Variants in NLGN1 observed in about 807,000 individuals in gnomAD.
The protein encoded by NLGN1 is neuroligin-1.
Under a neutral mutation model 65.5 loss-of-function variants are expected in NLGN1, and 12 were observed. That is an observed-to-expected ratio of 0.18 (90% CI 0.12 to 0.30). NLGN1 has a LOEUF of 0.30. Among genes scored for constraint, NLGN1 ranks in the 10% least tolerant of loss-of-function variants. NLGN1 has a pLI of 1.00. For missense variants in NLGN1, 750 were observed against 1,007.1 expected, an observed-to-expected ratio of 0.74 and a Z score of 3.46; for synonymous variants, 350 against 359.5, an observed-to-expected ratio of 0.97 and a Z score of 0.30.
At chr3:173,690,814 GT>G (rs1278486919) in intron 3 of NLGN1, among the ~76,000 whole-genome samples, 4 of 152,172 alleles carry the variant, frequency 2.6e-5, no homozygotes, top group Admixed American at 2.6e-4. Flanking sequence ...ACTAATTATA[GT>G]TTGTATGGAG....
chr3:173,752,625 C>A (rs905791716), intron 3 of NLGN1, among the ~76,000 whole-genome samples: 1 of 152,060 alleles, frequency 6.6e-6, no homozygotes, highest in Non-Finnish European at 1.5e-5. Context: ...AATTCCCTTA[C>A]TCCTCTCTCT....
In NLGN1 at chr3:174,264,388, A is replaced by T. The variant is rs1215951354; in HGVS notation, c.647-10927A>T. Reference sequence around the variant, plus strand: ...TTGGAGGCTTTGCTCATTTCTTTTTATTCTTTTTTCTCTAAACTTCCCTTC... The same window carrying T: ...TTGGAGGCTTTGCTCATTTCTTTTTTTTCTTTTTTCTCTAAACTTCCCTTC... On this transcript the variant is annotated intron_variant, in intron 4 of 6. Coordinates refer to ENST00000457714, the Ensembl canonical transcript of NLGN1. Among the ~76,000 whole-genome samples the T allele has an allele frequency of 5.0e-3, 713 of 142,994 alleles. 13 individuals carry two copies. Among genetic ancestry groups the T allele is most frequent in the African/African-American group, 0.017 (674 of 38,736 alleles). 93.8% of individuals were successfully genotyped at this position (142,994 alleles called of 152,430 possible).
intron 3 of NLGN1, among the ~76,000 whole-genome samples, chr3:173,728,073 T>A (rs893880724): frequency 2.6e-5 from 4 of 152,094 alleles, no homozygotes; most frequent in Non-Finnish European, 4.4e-5. Context: ...CTCTCAGCAG[T>A]TTGCCCTATG....
At chr3:173,758,878 C>T (rs1303516659) in intron 3 of NLGN1, among the ~76,000 whole-genome samples, 5 of 151,930 alleles carry the variant, frequency 3.3e-5, no homozygotes, top group Non-Finnish European at 5.9e-5. Context: ...ATCAGTGTGG[C>T]TAAAGGATTG....
chr3:173,981,502 A>T (rs779309082), intron 4 of NLGN1, among the ~76,000 whole-genome samples: 1 of 152,126 alleles, frequency 6.6e-6, no homozygotes, highest in Admixed American at 6.6e-5. Context: ...CGTAACTCCA[A>T]CTATTTCTAT....
intron 2 of NLGN1, among the ~76,000 whole-genome samples, chr3:173,472,515 C>T (rs1282494574): frequency 1.3e-5 from 2 of 151,684 alleles, no homozygotes; most frequent in Non-Finnish European, 2.9e-5. Context: ...AGAATAGTTT[C>T]ACTTATCAAA....
chr3:173,454,383 G>A (rs1722158274), intron 2 of NLGN1, among the ~76,000 whole-genome samples: 2 of 152,162 alleles, frequency 1.3e-5, no homozygotes, highest in Admixed American at 1.3e-4. Context: ...CTACAAGCCA[G>A]GCATTGACTT....
At chr3:173,988,611 C>T (rs186359617) in intron 4 of NLGN1, among the ~76,000 whole-genome samples, 3 of 152,200 alleles carry the variant, frequency 2.0e-5, no homozygotes, top group Admixed American at 2.0e-4. Context: ...ACTGTTTGTC[C>T]CAAGAATTAT....
intron 4 of NLGN1, among the ~76,000 whole-genome samples, chr3:173,967,298 C>A (rs1458934583): frequency 6.6e-6 from 1 of 152,178 alleles, no homozygotes; most frequent in African/African-American, 2.4e-5. Flanking sequence ...GCACAGCAAT[C>A]GGAATTTGTG....
intron 4 of NLGN1, among the ~76,000 whole-genome samples, chr3:174,171,579 A>G (rs1261431420): frequency 6.6e-6 from 1 of 152,202 alleles, no homozygotes; most frequent in Admixed American, 6.6e-5. Context: ...AAAATTAAAT[A>G]TTAAAGTCTT....
At chr3:174,259,668 T>G (rs918533090) in intron 4 of NLGN1, among the ~76,000 whole-genome samples, 2 of 139,840 alleles carry the variant, frequency 1.4e-5, no homozygotes, top group Non-Finnish European at 3.0e-5. Flanking sequence ...ACATGTTTCT[T>G]ACCCTTAGTA....
At chr3:173,785,213 G>A (rs1433723512) in intron 3 of NLGN1, among the ~76,000 whole-genome samples, 4 of 152,134 alleles carry the variant, frequency 2.6e-5, no homozygotes, top group Non-Finnish European at 5.9e-5. Context: ...GCCACAGATG[G>A]CGCCATCACC....
At chr3:174,229,679 A>G (rs948333833) in intron 4 of NLGN1, among the ~76,000 whole-genome samples, 33 of 152,206 alleles carry the variant, frequency 2.2e-4, no homozygotes, top group African/African-American at 8.0e-4. Flanking sequence ...ACATGATTAG[A>G]ATTTTAGTGA....
At chr3:174,033,135 G>T (rs1229489507) in intron 4 of NLGN1, among the ~76,000 whole-genome samples, 1 of 151,788 alleles carries the variant, frequency 6.6e-6, no homozygotes, top group African/African-American at 2.4e-5. Context: ...CCCCCACACT[G>T]TACCACCGCG....
chr3:173,439,219 T>C (rs1235113597), intron 2 of NLGN1, among the ~76,000 whole-genome samples: 1 of 152,178 alleles, frequency 6.6e-6, no homozygotes, highest in African/African-American at 2.4e-5. Flanking sequence ...TTAACACCTG[T>C]TCAAGAAGCA....
intron 5 of NLGN1, among the ~76,000 whole-genome samples, chr3:174,275,769 C>CAGTT (rs1477317015): frequency 6.6e-6 from 1 of 151,900 alleles, no homozygotes; most frequent in African/African-American, 2.4e-5. Flanking sequence ...GTTAGCATTA[C>CAGTT]AGTTACTCTT....
exon 7 of NLGN1, chr3:174,285,711 A>T (rs952975796): frequency 2.0e-5 from 3 of 151,428 alleles, no homozygotes; most frequent in African/African-American, 7.3e-5. Flanking sequence ...ATTCCATTTG[A>T]TAAGGGTTGT....
intron 4 of NLGN1, among the ~76,000 whole-genome samples, chr3:174,008,151 G>A (rs1241809670): frequency 6.6e-6 from 1 of 152,128 alleles, no homozygotes; most frequent in African/African-American, 2.4e-5. Flanking sequence ...TGGTTTAGCT[G>A]TGCCTCTGTT....
chr3:173,510,645 T>C (rs186682313), intron 2 of NLGN1, among the ~76,000 whole-genome samples: 1 of 152,206 alleles, frequency 6.6e-6, no homozygotes, highest in Admixed American at 6.5e-5. Flanking sequence ...AAATAAACCT[T>C]TTGTCATACT....
Sources: gnomAD v4.1 joint callset for allele counts (sites outside exome capture counted in the v4.1 genomes callset) on GRCh38, gnomAD v4.1.1 for gene constraint, MANE v1.5 for transcripts, NCBI Gene and HGNC (gene_info 2026-07-23, HGNC 2026-07-21) for gene names.